The following U2SURP variants were observed in gnomAD, a reference collection of about 807,000 sequenced individuals.
The protein encoded by U2SURP is U2 snRNP-associated SURP motif-containing protein.
In U2SURP, 9 loss-of-function variants were observed where a neutral mutation model predicts 144.9. The ratio of observed to expected loss-of-function variants is 0.06; its 90% CI spans 0.04 to 0.11. The LOEUF is 0.11. Among genes scored for constraint, U2SURP ranks in the 10% least tolerant of loss-of-function variants. The pLI, the probability that U2SURP is intolerant of heterozygous loss-of-function variation, is 1.00. For missense variants in U2SURP, 724 were observed against 1,226.7 expected, an observed-to-expected ratio of 0.59 and a Z score of 6.12; for synonymous variants, 408 against 396.8, an observed-to-expected ratio of 1.03 and a Z score of -0.33.
chr3:143,042,954 T>C (rs1198143303), intron 23 of U2SURP, among the ~76,000 whole-genome samples, 163 bp from the exon 24 acceptor site: 2 of 152,164 alleles, frequency 1.3e-5, no homozygotes, highest in African/African-American at 4.8e-5. Context: ...CTGTAAAATA[T>C]TGATAAAATA....
chr3:143,048,770 G>A (rs1423754676), intron 24 of U2SURP, among the ~76,000 whole-genome samples: 1 of 151,960 alleles, frequency 6.6e-6, no homozygotes, highest in African/African-American at 2.4e-5. Context: ...TGGAGGCTGA[G>A]GCAGGAGAAT....
At chr3:143,017,181 T>C in intron 6 of U2SURP, 1 of 416,244 alleles carries the variant, frequency 2.4e-6, no homozygotes, top group Non-Finnish European at 4.2e-6. Flanking sequence ...TTTATGCTTT[T>C]TGAGCAGTGA....
At chr3:143,027,575 A>G (rs1933228798) in intron 14 of U2SURP, among the ~76,000 whole-genome samples, 1 of 152,234 alleles carries the variant, frequency 6.6e-6, no homozygotes, top group Non-Finnish European at 1.5e-5. Context: ...TTCATTTAGC[A>G]TAATGTCCTC....
At position 143,054,981 on chromosome 3, in the gene U2SURP, G is replaced by T. The variant is rs1265391080; in HGVS notation, c.2813G>T (p.Ser938Ile). ...AGTACATCCCCCAGCCCATCTCGCA[G>T]TAGCAGTGGTAGACGAGTGAAATCC... ...RHSTSPSPSR[S>I]SSGRRVKSPS... is the part of the protein sequence containing the mutation. Residue 938 changes from serine (S) to isoleucine (I), a missense_variant, in exon 27 of 28, where the codon AGT (serine) becomes ATT (isoleucine). Physicochemically the swap from Ser to Ile is moderately radical, Grantham distance 142 (BLOSUM62 -2). This residue lies in a region of U2SURP where 129 missense variants were observed against 196.1 expected (regional missense o/e 0.66). Transcript: ENST00000473835. 3.1e-6 allele frequency: 5 copies of T among 1,609,224 alleles called. No individual in the cohort carries two copies. The highest frequency in any genetic ancestry group is 1.6e-4 in the Middle Eastern group (1 of 6,076).
chr3:143,025,567 A>C (rs1163648028), intron 13 of U2SURP, among the ~76,000 whole-genome samples: 1 of 152,154 alleles, frequency 6.6e-6, no homozygotes, highest in Non-Finnish European at 1.5e-5. Context: ...ATAACTTTAC[A>C]TTATCGCCCT....
Position 143,043,192 on chromosome 3 carries a change from A to G in U2SURP, c.2460A>G (p.Pro820=). The change falls in exon 24 of 28, where the codon CCA becomes CCG. Residue 820 remains proline (P), a synonymous_variant. Coordinates refer to ENST00000473835, the MANE Select transcript of U2SURP (RefSeq NM_001080415.2). ...KSEEHHLYSN[P]IKEEMTESKF... Reference sequence around the variant, plus strand: ...AAGAACATCATTTGTACTCTAATCCAATCAAAGAAGAAATGACTGAGTCTA... The same window carrying G: ...AAGAACATCATTTGTACTCTAATCCGATCAAAGAAGAAATGACTGAGTCTA... 4 of 1,604,280 alleles carry G rather than the reference A, an allele frequency of 2.5e-6. No homozygotes were observed. Among genetic ancestry groups the G allele is most frequent in the Non-Finnish European group, 3.4e-6 (4 of 1,174,810 alleles).
chr3:143,014,655 G>A (rs914023682), intron 4 of U2SURP, among the ~76,000 whole-genome samples: 2 of 151,960 alleles, frequency 1.3e-5, no homozygotes, highest in Non-Finnish European at 2.9e-5. Flanking sequence ...TTTTGTATAA[G>A]TAAAGTGTAT....
intron 20 of U2SURP, chr3:143,036,904 A>G (rs1326058488): frequency 2.6e-6 from 1 of 384,812 alleles, no homozygotes; most frequent in Admixed American, 4.1e-5. Flanking sequence ...CAACAGCAAA[A>G]ACCTTTACCA....
rs561558310 is a variant in U2SURP, at chr3:143,056,665, G to C, written c.*215G>C. ...TACTTTCATTGTGGCTATTTCTCAA[G>C]ATGAAATTTTTATTGTTCTAATGGA... On this transcript the variant is annotated 3_prime_UTR_variant, in exon 28 of 28. Transcript: ENST00000473835. The C allele has an allele frequency of 1.1e-4, 52 of 488,050 alleles. No individual in the cohort carries two copies. The highest frequency in any genetic ancestry group is 1.7e-4 in the Non-Finnish European group (47 of 281,386). The allele number at this position is 488,050 out of a possible 1,614,324, so 30.2% of individuals were successfully genotyped here.
chr3:143,050,432 T>A (rs1372562305), intron 24 of U2SURP, among the ~76,000 whole-genome samples: 1 of 152,182 alleles, frequency 6.6e-6, no homozygotes, highest in Non-Finnish European at 1.5e-5. Flanking sequence ...CAAATGTGAT[T>A]TAACCTTTTC....
intron 25 of U2SURP, among the ~76,000 whole-genome samples, chr3:143,051,602 CAAAAAAAA>C (rs3041537): frequency 5.5e-5 from 5 of 90,630 alleles, no homozygotes; most frequent in South Asian, 5.0e-4. Flanking sequence ...ACTGTCGTTG[CAAAAAAAA>C]AAAAAAAAAA....
At position 143,024,034 on chromosome 3, in the gene U2SURP, T is replaced by C. The variant is rs765882976; in HGVS notation, c.1274+16T>C. ...CAACAGAAAGGTACATGTTTTTCTT[T>C]ATTATTACTGATCTAAATATAGACA... On this transcript the variant is annotated intron_variant, in intron 13 of 27. Coordinates refer to ENST00000473835, the MANE Select transcript of U2SURP (RefSeq NM_001080415.2). 4 of 1,607,396 alleles carry C rather than the reference T, an allele frequency of 2.5e-6. No individual in the cohort carries two copies. The highest frequency in any genetic ancestry group is 1.7e-4 in the Middle Eastern group (1 of 6,036).
At chr3:143,034,682 G>A in intron 18 of U2SURP, 1 of 464,786 alleles carries the variant, frequency 2.2e-6, no homozygotes, top group East Asian at 3.6e-5. Context: ...GGACTGTTGG[G>A]GAGTTTGTAG....
intron 24 of U2SURP, among the ~76,000 whole-genome samples, chr3:143,044,743 T>C (rs958343611): frequency 4.6e-5 from 7 of 152,232 alleles, no homozygotes; most frequent in African/African-American, 1.2e-4. Context: ...TACTAACTTA[T>C]GATACCTATC....
chr3:143,007,357 G>A (rs1434864814), intron 1 of U2SURP, among the ~76,000 whole-genome samples: 1 of 150,186 alleles, frequency 6.7e-6, no homozygotes, highest in Non-Finnish European at 1.5e-5. Context: ...TCCTGGCCTC[G>A]AGCAGTCGTC....
At chr3:143,036,468 G>A (rs1367852318) in intron 20 of U2SURP, among the ~76,000 whole-genome samples, 2 of 152,130 alleles carry the variant, frequency 1.3e-5, no homozygotes, top group Non-Finnish European at 2.9e-5. Context: ...TGCATCACAT[G>A]ATAGCAGATA....
At chr3:143,043,902 A>G (rs969199697) in intron 24 of U2SURP, among the ~76,000 whole-genome samples, 5 of 151,070 alleles carry the variant, frequency 3.3e-5, no homozygotes, top group Admixed American at 6.6e-5. Flanking sequence ...CGGAGTAGCC[A>G]CCATGCCCGG....
intron 3 of U2SURP, 70 bp from the exon 4 acceptor site, chr3:143,014,241 A>T: frequency 1.2e-5 from 12 of 962,726 alleles, no homozygotes; most frequent in Non-Finnish European, 1.8e-5. Context: ...CTTAGTTATC[A>T]GTTGATGTGT....
At chr3:143,012,120 A>G (rs1377895015) in intron 2 of U2SURP, 102 bp from the exon 3 acceptor site, 5 of 1,394,212 alleles carry the variant, frequency 3.6e-6, no homozygotes, top group South Asian at 1.3e-5. Context: ...ATAATCTACA[A>G]TGAAATTTGT....
Sources: gnomAD v4.1 joint callset for allele counts (sites outside exome capture counted in the v4.1 genomes callset) on GRCh38, gnomAD v4.1.1 for gene constraint, gnomAD v4.1.1 regional missense constraint, MANE v1.5 for transcripts, NCBI Gene and HGNC (gene_info 2026-07-23, HGNC 2026-07-21) for gene names.